The following SAMD4A variants were observed in gnomAD, a reference collection of about 807,000 sequenced individuals.
SAMD4A encodes the protein sterile alpha motif domain containing 4A.
Under a neutral mutation model 81.3 loss-of-function variants are expected in SAMD4A, and 33 were observed. The ratio of observed to expected loss-of-function variants is 0.41; its 90% confidence interval spans 0.31 to 0.54. The LOEUF is 0.54. Ranked by LOEUF, SAMD4A falls within the 20% of genes least tolerant of loss-of-function variation. The pLI, the probability that SAMD4A is intolerant of heterozygous loss-of-function variation, is 0.37. For missense variants in SAMD4A, 854 were observed against 951.1 expected (o/e 0.90, Z 1.34); for synonymous variants, 389 against 382.1 (o/e 1.02, Z -0.21).
chr14:54,650,125 A>C (rs1392667296), intron 2 of SAMD4A, among the ~76,000 whole-genome samples: 3 of 152,244 alleles, frequency 2.0e-5, no homozygotes, highest in African/African-American at 4.8e-5. Flanking sequence ...TTACCTGCCA[A>C]AGTCAACAGA....
At chr14:54,730,992 A>G (rs1231056791) in intron 3 of SAMD4A, among the ~76,000 whole-genome samples, 1 of 152,194 alleles carries the variant, frequency 6.6e-6, no homozygotes, top group Non-Finnish European at 1.5e-5. Context: ...GCCTGGAATT[A>G]TTTATACAAG....
chr14:54,616,648 C>T (rs1486738702), intron 2 of SAMD4A, among the ~76,000 whole-genome samples: 2 of 152,220 alleles, frequency 1.3e-5, no homozygotes, highest in Non-Finnish European at 2.9e-5. Flanking sequence ...CACTCCATTA[C>T]TTAATAATAT....
chr14:54,635,159 A>G (rs1267136217), intron 2 of SAMD4A, among the ~76,000 whole-genome samples: 1 of 152,222 alleles, frequency 6.6e-6, no homozygotes, highest in African/African-American at 2.4e-5. Flanking sequence ...GCTGTGGCTC[A>G]CACTTGTAAT....
intron 2 of SAMD4A, among the ~76,000 whole-genome samples, chr14:54,590,481 GC>G (rs1447425574): frequency 6.6e-6 from 1 of 152,154 alleles, no homozygotes; most frequent in Non-Finnish European, 1.5e-5. Context: ...ACAGAGTGAG[GC>G]CCTGTCTCAA....
At chr14:54,701,094 G>A (rs2036705453) in intron 2 of SAMD4A, 1 of 150,804 alleles carries the variant, frequency 6.6e-6, no homozygotes, top group Non-Finnish European at 1.5e-5. Context: ...GACCTCTGAA[G>A]CTCAAGCAAT....
chr14:54,680,255 C>G (rs1302923640), intron 2 of SAMD4A, among the ~76,000 whole-genome samples: 1 of 152,200 alleles, frequency 6.6e-6, no homozygotes, highest in Non-Finnish European at 1.5e-5. Flanking sequence ...GCCAGATTTT[C>G]TATTTGAAAA....
chr14:54,783,279 G>A (rs1446098077), intron 11 of SAMD4A, among the ~76,000 whole-genome samples: 2 of 152,188 alleles, frequency 1.3e-5, no homozygotes, highest in Non-Finnish European at 2.9e-5. Context: ...GGCCAGGGCT[G>A]GGCGCTGTGG....
intron 2 of SAMD4A, among the ~76,000 whole-genome samples, chr14:54,609,253 C>T (rs1457549718): frequency 3.9e-5 from 6 of 152,166 alleles, no homozygotes; most frequent in Non-Finnish European, 7.3e-5. Context: ...GTGAGAAATA[C>T]TCAGCCAGCC....
chr14:54,594,312 C>T (rs908764578), intron 2 of SAMD4A, among the ~76,000 whole-genome samples: 3 of 151,856 alleles, frequency 2.0e-5, no homozygotes, highest in African/African-American at 7.3e-5. Context: ...AATTGCAGCA[C>T]TTTGGGAGGT....
At chr14:54,573,895 G>A (rs920019662) in intron 2 of SAMD4A, among the ~76,000 whole-genome samples, 1 of 152,208 alleles carries the variant, frequency 6.6e-6, no homozygotes, top group Admixed American at 6.5e-5. Context: ...GTAGGAACAT[G>A]GGATTCCCTG....
chr14:54,567,718 C>A lies in SAMD4A; in HGVS notation c.-199C>A. 1.8e-6 allele frequency: 1 copy of A among 554,116 alleles called. No homozygotes were observed. The highest frequency in any genetic ancestry group is 3.1e-6 in the Non-Finnish European group (1 of 320,566). The allele number at this position is 554,116 out of a possible 1,614,324, so 34.3% of individuals were successfully genotyped here. On this transcript the variant is annotated 5_prime_UTR_variant, in exon 2 of 13. Transcript: ENST00000554335. The stretch of plus-strand genomic sequence containing the variant: ...CTGTCATCGTCTCTGGGGAAATCAG[C>A]CAGAACCACCGGAACGTAACTGAAA...
chr14:54,773,299 C>T (rs1232342779), intron 9 of SAMD4A, among the ~76,000 whole-genome samples: 1 of 152,186 alleles, frequency 6.6e-6, no homozygotes, highest in African/African-American at 2.4e-5. Context: ...TCTGCAGGCC[C>T]CTATCACCCT....
At chr14:54,729,047 C>G (rs1368054014) in intron 3 of SAMD4A, among the ~76,000 whole-genome samples, 1 of 152,222 alleles carries the variant, frequency 6.6e-6, no homozygotes, top group African/African-American at 2.4e-5. Context: ...AAGCAATTGA[C>G]TCACTGCTCT....
intron 2 of SAMD4A, among the ~76,000 whole-genome samples, chr14:54,660,017 G>T (rs1342520315): frequency 1.3e-5 from 2 of 151,880 alleles, no homozygotes; most frequent in African/African-American, 4.8e-5. Context: ...GGAGGCGGAG[G>T]TTGCAGTGAG....
chr14:54,665,710 G>A (rs1280855696), intron 2 of SAMD4A, among the ~76,000 whole-genome samples: 1 of 152,146 alleles, frequency 6.6e-6, no homozygotes. Flanking sequence ...ATTCCTGATT[G>A]ATAGTCATCC....
At chr14:54,737,642 C>T (rs1370961359) in intron 4 of SAMD4A, among the ~76,000 whole-genome samples, 1 of 148,318 alleles carries the variant, frequency 6.7e-6, no homozygotes, top group African/African-American at 2.5e-5. Context: ...TACTGAGCTG[C>T]TCCAACCTTG....
intron 2 of SAMD4A, among the ~76,000 whole-genome samples, chr14:54,654,712 T>C (rs895849486): frequency 6.6e-6 from 1 of 152,198 alleles, no homozygotes; most frequent in Admixed American, 6.5e-5. Flanking sequence ...AGGAAAAACT[T>C]GTACTGTGTT....
intron 2 of SAMD4A, among the ~76,000 whole-genome samples, chr14:54,606,056 T>A (rs1030481404): frequency 6.6e-6 from 1 of 152,216 alleles, no homozygotes; most frequent in African/African-American, 2.4e-5. Flanking sequence ...CAGGTTGTTC[T>A]AAGTACTAGG....
intron 4 of SAMD4A, among the ~76,000 whole-genome samples, chr14:54,738,615 C>T (rs534758445): frequency 6.6e-6 from 1 of 152,290 alleles, no homozygotes; most frequent in African/African-American, 2.4e-5. Context: ...TCAGAGTTTT[C>T]AGGGGACTGT....
Sources: gnomAD v4.1 joint callset for allele counts (sites outside exome capture counted in the v4.1 genomes callset) on GRCh38, gnomAD v4.1.1 for gene constraint, MANE v1.5 for transcripts, NCBI Gene and HGNC (gene_info 2026-07-23, HGNC 2026-07-21) for gene names.